Variants in FHIT observed in about 807,000 individuals in gnomAD.
FHIT encodes the protein bis(5'-adenosyl)-triphosphatase.
FHIT carries 19 observed loss-of-function variants against 17.9 expected under a neutral mutation model. The observed-to-expected ratio is 1.06, with a 90% CI of 0.74 to 1.56. FHIT has a LOEUF of 1.56. Ranked by LOEUF, FHIT falls within the 40% of genes most tolerant of loss-of-function variation. The pLI, the probability that FHIT is intolerant of heterozygous loss-of-function variation, is 0.00. For missense variants in FHIT, 248 were observed against 189.2 expected (o/e 1.31, Z -1.82); for synonymous variants, 81 against 69.7 (o/e 1.16, Z -0.81).
intron 5 of FHIT, among the ~76,000 whole-genome samples, chr3:60,163,507 T>C (rs1488811500): frequency 3.9e-5 from 6 of 152,120 alleles, no homozygotes; most frequent in East Asian, 1.9e-4. Context: ...CAAGGCCCCC[T>C]GTGCTTTCCT....
intron 5 of FHIT, among the ~76,000 whole-genome samples, chr3:60,088,547 G>A (rs751983986): frequency 6.6e-6 from 1 of 152,094 alleles, no homozygotes; most frequent in Non-Finnish European, 1.5e-5. Context: ...GATTCATCTT[G>A]AGTCCTGACT....
intron 5 of FHIT, among the ~76,000 whole-genome samples, chr3:60,084,312 T>C (rs921959544): frequency 1.9e-4 from 29 of 152,062 alleles, no homozygotes; most frequent in African/African-American, 5.1e-4. Context: ...CAAGGTGGAG[T>C]CTTAACAGTG....
intron 5 of FHIT, among the ~76,000 whole-genome samples, chr3:60,214,406 T>C (rs1284780555): frequency 6.6e-6 from 1 of 152,160 alleles, no homozygotes; most frequent in Non-Finnish European, 1.5e-5. Context: ...AAAAGCATAG[T>C]ATTCTATGCT....
chr3:60,816,806 C>G (rs1030785862), intron 4 of FHIT, among the ~76,000 whole-genome samples: 1 of 151,856 alleles, frequency 6.6e-6, no homozygotes, highest in Non-Finnish European at 1.5e-5. Flanking sequence ...AGAATTGTAC[C>G]AGCTCTTCTT....
chr3:61,090,137 C>T (rs989994572), intron 2 of FHIT, among the ~76,000 whole-genome samples: 5 of 152,144 alleles, frequency 3.3e-5, no homozygotes, highest in African/African-American at 4.8e-5. Context: ...AAATAGCCCC[C>T]CAAAATAGTG....
chr3:61,099,641 G>C (rs1374554306), intron 2 of FHIT, among the ~76,000 whole-genome samples: 1 of 151,998 alleles, frequency 6.6e-6, no homozygotes, highest in Non-Finnish European at 1.5e-5. Context: ...ATTCAGTCTT[G>C]GGTGGGTGAA....
At chr3:60,606,361 C>T (rs2038608705) in intron 4 of FHIT, among the ~76,000 whole-genome samples, 1 of 151,956 alleles carries the variant, frequency 6.6e-6, no homozygotes, top group East Asian at 1.9e-4. Context: ...ATGCCTCAGC[C>T]TCCCAAGTAG....
intron 3 of FHIT, among the ~76,000 whole-genome samples, chr3:60,972,507 T>C (rs1181415227): frequency 3.9e-5 from 6 of 152,074 alleles, no homozygotes; most frequent in Non-Finnish European, 7.4e-5. Flanking sequence ...CATTTATTTG[T>C]CTTCAATTTT....
At chr3:60,039,889 G>T (rs552731770) in intron 5 of FHIT, among the ~76,000 whole-genome samples, 22 of 152,248 alleles carry the variant, frequency 1.4e-4, no homozygotes, top group African/African-American at 5.1e-4. Flanking sequence ...CTGTGAAATG[G>T]AAGAAATTAT....
chr3:60,652,029 C>G (rs1355507171), intron 4 of FHIT, among the ~76,000 whole-genome samples: 1 of 152,170 alleles, frequency 6.6e-6, no homozygotes, highest in Non-Finnish European at 1.5e-5. Flanking sequence ...TTCTGAACCA[C>G]ACAGCAAAGG....
chr3:61,117,409 G>A (rs1576045039), intron 2 of FHIT, among the ~76,000 whole-genome samples: 1 of 152,112 alleles, frequency 6.6e-6, no homozygotes, highest in African/African-American at 2.4e-5. Context: ...TGTAGCAAAT[G>A]AGCCATGAGA....
intron 5 of FHIT, among the ~76,000 whole-genome samples, chr3:60,237,735 C>T (rs1227037291): frequency 6.6e-6 from 1 of 152,034 alleles, no homozygotes; most frequent in Non-Finnish European, 1.5e-5. Flanking sequence ...ATGTAACTAC[C>T]CACATAAAAA....
At chr3:59,903,849 A>T (rs978756116) in intron 8 of FHIT, among the ~76,000 whole-genome samples, 1 of 152,132 alleles carries the variant, frequency 6.6e-6, no homozygotes, top group Non-Finnish European at 1.5e-5. Flanking sequence ...GCAAAGTTAG[A>T]TTTCCAAGGG....
At chr3:59,929,363 GTTTTTTTTTTTTT>G (rs869243844) in intron 7 of FHIT, among the ~76,000 whole-genome samples, 1 of 67,052 alleles carries the variant, frequency 1.5e-5, no homozygotes, top group African/African-American at 5.7e-5. Flanking sequence ...TGTTTTTTTG[GTTTTTTTTTTTTT>G]TTTTTTTTTT....
intron 4 of FHIT, among the ~76,000 whole-genome samples, chr3:60,623,488 A>AT (rs1240555070): frequency 6.6e-6 from 1 of 151,994 alleles, no homozygotes; most frequent in Non-Finnish European, 1.5e-5. Context: ...AAACATGTTC[A>AT]TTTTTTTCTT....
chr3:60,817,735 T>C (rs1701790446), intron 4 of FHIT, among the ~76,000 whole-genome samples: 2 of 152,086 alleles, frequency 1.3e-5, no homozygotes, highest in Non-Finnish European at 2.9e-5. Context: ...TTCAAATGTA[T>C]CCCATTTGGG....
chr3:60,340,865 T>C lies in FHIT; in HGVS notation c.103+195995A>G, dbSNP rs1193602957. Among the ~76,000 whole-genome samples the C allele has an allele frequency of 2.6e-5, 4 of 152,070 alleles. No individual in the cohort carries two copies. In the East Asian group the frequency reaches 7.7e-4, roughly 29 times the overall value. Reference sequence around the variant, plus strand: ...TGGGACCATGCCTGGCTAATTTTTGTATTTTTAGTAGAGATGGGGTTTCAC... The same window carrying C: ...TGGGACCATGCCTGGCTAATTTTTGCATTTTTAGTAGAGATGGGGTTTCAC... On this transcript the variant is annotated intron_variant, in intron 5 of 9. Coordinates refer to ENST00000492590, the MANE Select transcript of FHIT (RefSeq NM_002012.4).
chr3:60,058,006 G>A (rs961109509), intron 5 of FHIT, among the ~76,000 whole-genome samples: 24 of 151,876 alleles, frequency 1.6e-4, no homozygotes, highest in African/African-American at 5.8e-4. Context: ...TTCCACTTCT[G>A]TGAGGTACCT....
intron 5 of FHIT, among the ~76,000 whole-genome samples, chr3:60,499,236 T>C (rs2034424327): frequency 6.6e-6 from 1 of 152,198 alleles, no homozygotes; most frequent in Non-Finnish European, 1.5e-5. Context: ...ATAATGTTTA[T>C]ATTAAAAATC....
Sources: allele counts gnomAD v4.1 joint callset (sites outside exome capture counted in the v4.1 genomes callset), GRCh38; gene constraint gnomAD v4.1.1; transcripts MANE v1.5; gene names NCBI Gene and HGNC (gene_info 2026-07-23, HGNC 2026-07-21).